DNAJC6: variants seen among roughly 807,000 people sequenced by gnomAD.
DNAJC6 encodes auxilin.
Under a neutral mutation model 110.0 loss-of-function variants are expected in DNAJC6, and 34 were observed. The observed-to-expected ratio is 0.31, with a 90% CI of 0.24 to 0.41. The LOEUF (loss-of-function observed/expected upper bound fraction) is 0.41, where lower values mean the gene tolerates loss of function less well. Among genes scored for constraint, DNAJC6 ranks in the 10% least tolerant of loss-of-function variants. The probability of loss-of-function intolerance (pLI) is 1.00; values close to 1 mark genes in which losing one functional copy is unlikely to be tolerated. For missense variants in DNAJC6, 1,031 were observed against 1,207.8 expected, an observed-to-expected ratio of 0.85 and a Z score of 2.17; for synonymous variants, 406 against 437.2, an observed-to-expected ratio of 0.93 and a Z score of 0.89.
chr1:65,363,433 A>G (rs548869789), intron 1 of DNAJC6, among the ~76,000 whole-genome samples: 63 of 152,020 alleles, frequency 4.1e-4, no homozygotes, highest in African/African-American at 1.4e-3. Context: ...AGAGACAGAG[A>G]AAGAGAGAAA....
chr1:65,398,741 A>G, intron 13 of DNAJC6, 72 bp from the exon 14 acceptor site: 1 of 1,517,634 alleles, frequency 6.6e-7, no homozygotes, highest in South Asian at 1.1e-5. Flanking sequence ...GAATGGCATT[A>G]TCCTGTGTGA....
rs1553149315 is a variant in DNAJC6 at position 65,415,647 on chromosome 1, A to G, written c.*2622A>G. ...GAACCTGGAAGTCTGGGACTTTATCATAGAAACAAAGTCTCAGATATTTTA... is the reference window on the plus strand; with the variant it reads ...GAACCTGGAAGTCTGGGACTTTATCGTAGAAACAAAGTCTCAGATATTTTA... On this transcript the variant is annotated 3_prime_UTR_variant, in exon 19 of 19. Transcript: ENST00000371069. The G allele has an allele frequency of 2.6e-5, 4 of 152,254 alleles. No homozygotes were observed. Among genetic ancestry groups the G allele is most frequent in the Admixed American group, 2.6e-4 (4 of 15,286 alleles). 9.4% of individuals were successfully genotyped at this position (152,254 alleles called of 1,614,324 possible).
intron 1 of DNAJC6, among the ~76,000 whole-genome samples, chr1:65,287,873 G>A (rs1654074010): frequency 6.6e-6 from 1 of 152,136 alleles, no homozygotes; most frequent in Non-Finnish European, 1.5e-5. Context: ...TAAAGTGTCG[G>A]GATAACAGGC....
rs148269254 is a variant in DNAJC6 at position 65,399,422 on chromosome 1, C to G, written c.2107+541C>G. The stretch of plus-strand genomic sequence containing the variant: ...GCATTTATGGAGCTGTCTTGTGTGA[C>G]TGCTCCTGACATTGAGCAAGTTAAG... On this transcript the variant is annotated intron_variant, in intron 14 of 18. Coordinates refer to ENST00000371069, the MANE Select transcript of DNAJC6 (RefSeq NM_001256864.2). Among the ~76,000 whole-genome samples, 25 of 152,292 alleles carry G rather than the reference C, an allele frequency of 1.6e-4. No homozygotes were observed. In the East Asian group the frequency reaches 4.8e-3, roughly 29 times the overall value.
chr1:65,319,143 A>G (rs1248843707), intron 1 of DNAJC6, among the ~76,000 whole-genome samples: 1 of 152,218 alleles, frequency 6.6e-6, no homozygotes, highest in Non-Finnish European at 1.5e-5. Context: ...AGATACCTGG[A>G]TGGCAGCAGG....
chr1:65,380,937 T>TTTG (rs1645815564), intron 5 of DNAJC6, among the ~76,000 whole-genome samples: 1 of 145,110 alleles, frequency 6.9e-6, no homozygotes, highest in African/African-American at 2.7e-5. Context: ...TTTTTTTTTT[T>TTTG]GGGACCGAGT....
chr1:65,372,968 C>T lies in DNAJC6; in HGVS notation c.544-6434C>T, dbSNP rs578241258. ...TTTTCCTCCTTCAAACCCTCTCCCA[C>T]TCCTCTTCCTGGCCTCTGGTAACTA... On this transcript the variant is annotated intron_variant, in intron 4 of 18. Transcript: ENST00000371069. Among the ~76,000 whole-genome samples, 14 of 152,282 alleles carry T rather than the reference C, an allele frequency of 9.2e-5. No individual in the cohort carries two copies. The South Asian group carries it at 1.2e-3, about 14-fold the overall frequency.
Position 65,403,033 on chromosome 1 carries a change from AT to A in DNAJC6, c.2227+1154del, listed in dbSNP as rs1201766531. Among the ~76,000 whole-genome samples the A allele has an allele frequency of 5.3e-5, 8 of 152,340 alleles. No homozygotes were observed. In the South Asian group the frequency reaches 1.7e-3, roughly 32 times the overall value. Reference sequence around the variant, plus strand: ...TGCTAGGACTGTTTTAGTAAAAAAAATAACCAAACAAAACAAAACTCCTGCC... The same window carrying A: ...TGCTAGGACTGTTTTAGTAAAAAAAAAACCAAACAAAACAAAACTCCTGCC... On this transcript the variant is annotated intron_variant, in intron 15 of 18. Coordinates refer to ENST00000371069, the MANE Select transcript of DNAJC6 (RefSeq NM_001256864.2).
intron 1 of DNAJC6, 74 bp downstream of exon 1, chr1:65,310,012 G>GC (rs1325298866): frequency 1.9e-5 from 26 of 1,372,716 alleles, no homozygotes; most frequent in South Asian, 3.4e-5. Context: ...CCGGCCCGAG[G>GC]CCCCCCCGTG....
At chr1:65,403,259 C>T (rs187690203) in intron 15 of DNAJC6, among the ~76,000 whole-genome samples, 42 of 152,324 alleles carry the variant, frequency 2.8e-4, no homozygotes, top group South Asian at 8.3e-4. Flanking sequence ...TTATAATCCT[C>T]GTTTTACAGA....
At position 65,376,182 on chromosome 1, in the gene DNAJC6, G is replaced by T. The variant is rs181356517; in HGVS notation, c.544-3220G>T. ...TTTCTGATTTGTTTGGTATATAATT[G>T]TTCATAGTAGCCGTCTCTTATGAGT... On this transcript the variant is annotated intron_variant, in intron 4 of 18. Coordinates refer to ENST00000371069, the MANE Select transcript of DNAJC6 (RefSeq NM_001256864.2). Among the ~76,000 whole-genome samples the T allele has an allele frequency of 2.4e-3, 362 of 152,106 alleles. 2 individuals are homozygous for T. The highest frequency in any genetic ancestry group is 7.8e-3 in the African/African-American group (323 of 41,532).
At chr1:65,273,519 C>A (rs927077970) in intron 1 of DNAJC6, among the ~76,000 whole-genome samples, 1 of 151,828 alleles carries the variant, frequency 6.6e-6, no homozygotes, top group Admixed American at 6.6e-5. Context: ...TTGCTTGAAC[C>A]CGGGAGGCGG....
intron 6 of DNAJC6, 52 bp from the exon 7 acceptor site, chr1:65,385,660 T>C (rs1246216427): frequency 6.5e-6 from 9 of 1,387,442 alleles, no homozygotes; most frequent in Non-Finnish European, 7.6e-6. Flanking sequence ...TATTGATTGC[T>C]TGCTTCTCCT....
At chr1:65,276,547 C>G (rs1653681971) in intron 1 of DNAJC6, among the ~76,000 whole-genome samples, 1 of 152,172 alleles carries the variant, frequency 6.6e-6, no homozygotes. Context: ...TCCCAGGCCC[C>G]TAGGGAAACT....
intron 1 of DNAJC6, among the ~76,000 whole-genome samples, chr1:65,350,149 T>TA (rs1557535669): frequency 2.0e-5 from 3 of 152,194 alleles, no homozygotes; most frequent in Non-Finnish European, 4.4e-5. Flanking sequence ...CGTCCCTTCT[T>TA]AGACTCTGCT....
intron 1 of DNAJC6, among the ~76,000 whole-genome samples, chr1:65,339,697 A>G (rs1033744469): frequency 1.3e-5 from 2 of 152,170 alleles, no homozygotes; most frequent in Admixed American, 1.3e-4. Context: ...AAAGATTTCA[A>G]GAAGGGCAAC....
chr1:65,301,980 A>G (rs1644983561), intron 1 of DNAJC6, among the ~76,000 whole-genome samples: 2 of 150,470 alleles, frequency 1.3e-5, no homozygotes, highest in African/African-American at 4.9e-5. Context: ...AACATCAGAG[A>G]GAGAGAGAGA....
intron 5 of DNAJC6, 138 bp from the exon 6 acceptor site, chr1:65,384,055 A>C: frequency 8.7e-7 from 1 of 1,146,198 alleles, no homozygotes; most frequent in Middle Eastern, 3.3e-4. Flanking sequence ...TTTCAAGTGA[A>C]TAATTTTTAA....
chr1:65,273,227 A>C (rs1366541147), intron 1 of DNAJC6, among the ~76,000 whole-genome samples: 1 of 151,922 alleles, frequency 6.6e-6, no homozygotes, highest in Non-Finnish European at 1.5e-5. Flanking sequence ...CTTATTTTTT[A>C]GTTTTTTGAG....
Sources: gnomAD v4.1 joint callset for allele counts (sites outside exome capture counted in the v4.1 genomes callset) on GRCh38, gnomAD v4.1.1 for gene constraint, MANE v1.5 for transcripts, NCBI Gene and HGNC (gene_info 2026-07-23, HGNC 2026-07-21) for gene names.